The following XYLB variants were observed in gnomAD, a reference collection of about 807,000 sequenced individuals.
XYLB encodes xylulose kinase.
Under a neutral mutation model 78.7 loss-of-function variants are expected in XYLB, and 62 were observed. That is an observed-to-expected ratio of 0.79 (90% CI 0.64 to 0.97). The LOEUF (loss-of-function observed/expected upper bound fraction) is 0.97, where lower values mean the gene tolerates loss of function less well. XYLB is among the 50% of genes least tolerant of loss of function. The probability of loss-of-function intolerance (pLI) is 0.00; values close to 1 mark genes in which losing one functional copy is unlikely to be tolerated. For missense variants in XYLB, 687 were observed against 676.8 expected (o/e 1.02, Z -0.17); for synonymous variants, 245 against 247.4 (o/e 0.99, Z 0.09).
intron 1 of XYLB, among the ~76,000 whole-genome samples, chr3:38,348,044 A>C (rs1705165273): frequency 8.5e-5 from 13 of 152,206 alleles, no homozygotes; most frequent in Admixed American, 8.5e-4. Context: ...TGTCCAGGAA[A>C]GGAGTTATAC....
intron 2 of XYLB, among the ~76,000 whole-genome samples, chr3:38,352,496 C>A (rs188341421): frequency 6.6e-6 from 1 of 152,110 alleles, no homozygotes. Context: ...TCATACCTTC[C>A]TATATTTCCA....
chr3:38,402,891 A>AT (rs552514322), intron 18 of XYLB, among the ~76,000 whole-genome samples: 91 of 152,310 alleles, frequency 6.0e-4, no homozygotes, highest in African/African-American at 2.1e-3. Flanking sequence ...CGGTTGCCTC[A>AT]TTTTTTAAAG....
downstream of XYLB, among the ~76,000 whole-genome samples, chr3:38,422,916 A>G (rs910634505): frequency 6.6e-6 from 1 of 152,142 alleles, no homozygotes; most frequent in Non-Finnish European, 1.5e-5. Context: ...CGGAACCTAT[A>G]CCTTTAAAAT....
At chr3:38,446,874 C>T in the XYLB span, among the ~76,000 whole-genome samples, 1 of 152,146 alleles carries the variant, frequency 6.6e-6, no homozygotes, top group East Asian at 1.9e-4. Context: ...GAATTTATGA[C>T]TAAGACCTCA....
Position 38,358,977 on chromosome 3 carries a change from C to T in XYLB, c.141-1362C>T, listed in dbSNP as rs1161992319. ...TTTTCCCTGCTTACCGAGACAAGCT[C>T]GGTTGTGGAGACTCCAACGCACCAG... On this transcript the variant is annotated intron_variant, in intron 2 of 18. Coordinates refer to ENST00000207870, the MANE Select transcript of XYLB (RefSeq NM_005108.4). Among the ~76,000 whole-genome samples, 14 of 152,288 alleles carry T rather than the reference C, an allele frequency of 9.2e-5. No homozygotes were observed. The East Asian group carries it at 1.5e-3, about 17-fold the overall frequency.
chr3:38,430,423 T>G, the XYLB span, among the ~76,000 whole-genome samples: 1 of 152,208 alleles, frequency 6.6e-6, no homozygotes, highest in African/African-American at 2.4e-5. Flanking sequence ...TCTTGTAAAT[T>G]TGTTTAAGTT....
chr3:38,360,722 C>T (rs1036838160), intron 3 of XYLB, among the ~76,000 whole-genome samples: 1 of 152,230 alleles, frequency 6.6e-6, no homozygotes, highest in African/African-American at 2.4e-5. Flanking sequence ...GCCCTGTGGC[C>T]TCCCTTGTAC....
chr3:38,450,512 G>A, the XYLB span, among the ~76,000 whole-genome samples: 1 of 152,134 alleles, frequency 6.6e-6, no homozygotes, highest in African/African-American at 2.4e-5. Context: ...ATGCCTTAAT[G>A]GCAGAATTCA....
intron 2 of XYLB, 80 bp downstream of exon 2, chr3:38,348,712 G>T (rs1417812292): frequency 1.5e-6 from 2 of 1,306,196 alleles, no homozygotes; most frequent in African/African-American, 1.4e-5. Flanking sequence ...TTCGCAGACC[G>T]CACTGTTGAG....
At position 38,412,962 on chromosome 3, in the gene XYLB, T is replaced by C. The variant is rs138373199; in HGVS notation, c.1560T>C (p.Tyr520=). The C allele has an allele frequency of 3.1e-6, 5 of 1,605,862 alleles. No homozygotes were observed. The African/African-American group carries it at 4.0e-5, about 13-fold the overall frequency. The change falls in exon 19 of 19, where the codon TAT becomes TAC. Residue 520 remains tyrosine, a synonymous_variant. Transcript: ENST00000207870. Reference sequence around the variant, plus strand: ...TCTACGAGGCCCTTCTCCCCCAGTATGCCAAACTCGAGCAGAGAATCTTGT... The same window carrying C: ...TCTACGAGGCCCTTCTCCCCCAGTACGCCAAACTCGAGCAGAGAATCTTGT... ...SQVYEALLPQ[Y]AKLEQRILSQ... is the part of the protein sequence containing the mutation.
downstream of XYLB, chr3:38,415,107 A>C (rs1164652447): frequency 6.6e-6 from 1 of 152,212 alleles, no homozygotes; most frequent in East Asian, 1.9e-4. Context: ...AGAACTATGT[A>C]AGCCTCTAGG....
rs140507305 is a variant in XYLB at position 38,362,967 on chromosome 3, G to C, written c.241G>C (p.Ala81Pro). ...GGATATCATCTTGGAGAAGATGAAG[G>C]CTTCGGGCTTCGACTTCTCTCAAGT... is the stretch of plus-strand genomic sequence containing the variant. ...ALDIILEKMK[A>P]SGFDFSQVLA... Residue 81 changes from alanine (A) to proline (P), a missense_variant, in exon 4 of 19, where the codon GCT becomes CCT. Physicochemically the swap from Ala to Pro is conservative, Grantham distance 27 (BLOSUM62 -1). Transcript: ENST00000207870. 7.6e-6 allele frequency: 12 copies of C among 1,585,464 alleles called. No individual in the cohort carries two copies. Among genetic ancestry groups the C allele is most frequent in the Middle Eastern group, 1.7e-4 (1 of 6,004 alleles).
intron 17 of XYLB, among the ~76,000 whole-genome samples, chr3:38,399,017 C>T (rs2125652404): frequency 2.0e-5 from 3 of 152,136 alleles, no homozygotes; most frequent in East Asian, 3.9e-4. Context: ...TGCACTCCAG[C>T]CTGGCAACAG....
the XYLB span, among the ~76,000 whole-genome samples, chr3:38,444,130 C>T: frequency 6.6e-6 from 1 of 152,200 alleles, no homozygotes; most frequent in South Asian, 2.1e-4. Flanking sequence ...GACATCTCTC[C>T]AAGTGGGGTC....
intron 15 of XYLB, among the ~76,000 whole-genome samples, chr3:38,381,110 G>T (rs1707122409): frequency 6.6e-6 from 1 of 152,192 alleles, no homozygotes; most frequent in African/African-American, 2.4e-5. Flanking sequence ...GGAAGTCAGG[G>T]ACCCCAAACG....
downstream of XYLB, among the ~76,000 whole-genome samples, chr3:38,419,578 TTATATATATATATA>T (rs67869604): frequency 1.5e-5 from 1 of 68,280 alleles, no homozygotes; most frequent in African/African-American, 4.4e-5. Context: ...TTATTTTTCT[TTATATATATATATA>T]TATATATATA....
downstream of XYLB, among the ~76,000 whole-genome samples, chr3:38,417,233 CG>C (rs1459490052): frequency 6.6e-6 from 1 of 151,908 alleles, no homozygotes; most frequent in African/African-American, 2.4e-5. Flanking sequence ...CTCAGAAGTT[CG>C]AGACCAGCTT....
intron 2 of XYLB, chr3:38,355,934 T>A: frequency 1.6e-6 from 1 of 614,220 alleles, no homozygotes; most frequent in East Asian, 2.8e-5. Flanking sequence ...AATATAATTT[T>A]TTCCCTCATA....
At chr3:38,416,243 G>A (rs1360654396), downstream of XYLB, among the ~76,000 whole-genome samples, 2 of 152,140 alleles carry the variant, frequency 1.3e-5, no homozygotes, top group African/African-American at 4.8e-5. Context: ...TGTTGCTTAG[G>A]CAATATGTAG....
Sources: allele counts gnomAD v4.1 joint callset (sites outside exome capture counted in the v4.1 genomes callset), GRCh38; gene constraint gnomAD v4.1.1; transcripts MANE v1.5; gene names NCBI Gene and HGNC (gene_info 2026-07-23, HGNC 2026-07-21).